The following RBFOX1 variants were observed in gnomAD, a reference collection of about 807,000 sequenced individuals.
RBFOX1 encodes RNA binding protein fox-1 homolog 1.
RBFOX1 carries 8 observed loss-of-function variants against 57.7 expected under a neutral mutation model. The ratio of observed to expected loss-of-function variants is 0.14; its 90% confidence interval spans 0.08 to 0.25. The LOEUF (loss-of-function observed/expected upper bound fraction) is 0.25, where lower values mean the gene tolerates loss of function less well. RBFOX1 is among the 10% of genes least tolerant of loss of function. The pLI is 1.00. For synonymous variants in RBFOX1, 326 were observed against 222.4 expected, an observed-to-expected ratio of 1.47 and a Z score of -4.15; for missense variants, 611 against 548.5, an observed-to-expected ratio of 1.11 and a Z score of -1.14.
chr16:6,313,706 G>A (rs1548841), intron 1 of RBFOX1, among the ~76,000 whole-genome samples: 59,151 of 151,794 alleles, frequency 0.39, 12,037 homozygotes, highest in East Asian at 0.6. Context: ...TTTAGCTTCT[G>A]TGTAATCTTG....
intron 1 of RBFOX1, among the ~76,000 whole-genome samples, chr16:5,332,525 A>C (rs2064783583): frequency 6.6e-6 from 1 of 152,086 alleles, no homozygotes; most frequent in Admixed American, 6.6e-5. Context: ...CGGCGTCCCA[A>C]AGTGCTGGGA....
chr16:6,673,228 C>T (rs564592943), intron 3 of RBFOX1, among the ~76,000 whole-genome samples: 2 of 152,282 alleles, frequency 1.3e-5, no homozygotes, highest in East Asian at 3.9e-4. Flanking sequence ...TGTGTCTTCT[C>T]TATCCACTCT....
At chr16:5,598,789 C>A in intron 2 of RBFOX1, 1 of 789,170 alleles carries the variant, frequency 1.3e-6, no homozygotes, top group Non-Finnish European at 2.0e-6. Flanking sequence ...GGTACTGTGG[C>A]TAAACGTGGT....
intron 3 of RBFOX1, among the ~76,000 whole-genome samples, chr16:5,710,056 C>T (rs932715201): frequency 6.6e-6 from 1 of 150,706 alleles, no homozygotes; most frequent in Non-Finnish European, 1.5e-5. Context: ...GCCCATGTAT[C>T]TTCAGCACCC....
chr16:5,541,530 C>T (rs1825686), intron 2 of RBFOX1, among the ~76,000 whole-genome samples: 2 of 151,810 alleles, frequency 1.3e-5, no homozygotes, highest in African/African-American at 2.4e-5. Context: ...AGGTGAGAGA[C>T]AAAGGGTTGC....
intron 3 of RBFOX1, among the ~76,000 whole-genome samples, chr16:6,764,352 A>G (rs1045212444): frequency 6.6e-6 from 1 of 152,168 alleles, no homozygotes; most frequent in African/African-American, 2.4e-5. Context: ...GAAAACCTGA[A>G]ATATTTTCAG....
At chr16:6,552,406 C>G (rs893709675) in intron 2 of RBFOX1, among the ~76,000 whole-genome samples, 1 of 152,104 alleles carries the variant, frequency 6.6e-6, no homozygotes, top group Non-Finnish European at 1.5e-5. Flanking sequence ...TTCTCAGAAA[C>G]TCAGTAATGT....
At chr16:6,911,243 G>T (rs567600933) in intron 3 of RBFOX1, among the ~76,000 whole-genome samples, 1 of 150,978 alleles carries the variant, frequency 6.6e-6, no homozygotes, top group Non-Finnish European at 1.5e-5. Context: ...TGAACCTTGG[G>T]TAGTGCGTTA....
chr16:6,733,181 T>A (rs2069122685), intron 3 of RBFOX1, among the ~76,000 whole-genome samples: 1 of 152,112 alleles, frequency 6.6e-6, no homozygotes, highest in Non-Finnish European at 1.5e-5. Context: ...CTCCCATAGG[T>A]CATTAGAAAG....
chr16:6,356,105 A>C (rs2087271714), intron 2 of RBFOX1, among the ~76,000 whole-genome samples: 1 of 152,248 alleles, frequency 6.6e-6, no homozygotes, highest in Non-Finnish European at 1.5e-5. Context: ...GAAGTAGAGA[A>C]ACAAATCTCC....
At chr16:7,328,558 A>G (rs1263872288) in intron 4 of RBFOX1, 2 of 151,342 alleles carry the variant, frequency 1.3e-5, no homozygotes, top group Non-Finnish European at 2.9e-5. Context: ...GCCTTTATCT[A>G]GAACAGGAAA....
intron 3 of RBFOX1, among the ~76,000 whole-genome samples, chr16:6,870,219 C>T (rs950540564): frequency 6.6e-6 from 1 of 151,968 alleles, no homozygotes; most frequent in Admixed American, 6.6e-5. Context: ...GCAGGCAGAG[C>T]CAAGAGAGTT....
chr16:6,226,374 C>CAA (rs368116983), intron 1 of RBFOX1, among the ~76,000 whole-genome samples: 30,531 of 86,394 alleles, frequency 0.35, 6,633 homozygotes, highest in African/African-American at 0.48. Context: ...ACTCTGTCTC[C>CAA]AAAAAAAAAA....
intron 9 of RBFOX1, among the ~76,000 whole-genome samples, chr16:7,606,334 G>A (rs2095285459): frequency 6.6e-6 from 1 of 151,322 alleles, no homozygotes; most frequent in Non-Finnish European, 1.5e-5. Flanking sequence ...TGTTGGCCAG[G>A]CTGGTCTCAA....
chr16:7,228,028 A>T (rs2141898), intron 4 of RBFOX1, among the ~76,000 whole-genome samples: 44,640 of 151,922 alleles, frequency 0.29, 6,920 homozygotes, highest in African/African-American at 0.39. Context: ...GCACCCACCC[A>T]CCAGGTTGTG....
intron 2 of RBFOX1, among the ~76,000 whole-genome samples, chr16:6,636,226 A>C (rs1259125950): frequency 6.6e-6 from 1 of 152,158 alleles, no homozygotes; most frequent in Non-Finnish European, 1.5e-5. Flanking sequence ...GCTGGAGTGC[A>C]GAGGCACGAT....
intron 2 of RBFOX1, among the ~76,000 whole-genome samples, chr16:6,618,397 C>G (rs1486994644): frequency 1.3e-5 from 2 of 152,112 alleles, no homozygotes; most frequent in Admixed American, 1.3e-4. Context: ...TAGGGACTGT[C>G]ATTATTTATA....
chr16:6,835,608 C>T (rs1306915177), intron 3 of RBFOX1, among the ~76,000 whole-genome samples: 1 of 151,742 alleles, frequency 6.6e-6, no homozygotes, highest in Non-Finnish European at 1.5e-5. Flanking sequence ...AAAAAAGTAG[C>T]TGGGCATGGT....
At chr16:5,949,103 A>G (rs2059464573) in intron 4 of RBFOX1, among the ~76,000 whole-genome samples, 1 of 152,062 alleles carries the variant, frequency 6.6e-6, no homozygotes, top group African/African-American at 2.4e-5. Flanking sequence ...CTCCCCAACT[A>G]CTAGAGTCTG....
Sources: allele counts gnomAD v4.1 joint callset (sites outside exome capture counted in the v4.1 genomes callset), GRCh38; gene constraint gnomAD v4.1.1; transcripts MANE v1.5; gene names NCBI Gene and HGNC (gene_info 2026-07-23, HGNC 2026-07-21).